TPST1: variants seen among roughly 807,000 people sequenced by gnomAD.
TPST1 encodes tyrosylprotein sulfotransferase 1, also known as protein-tyrosine sulfotransferase 1.
A neutral mutation model predicts 34.8 loss-of-function variants in TPST1; 20 were observed. The ratio of observed to expected loss-of-function variants is 0.57; its 90% CI spans 0.40 to 0.84. The LOEUF (loss-of-function observed/expected upper bound fraction) is 0.84. TPST1 is among the 40% of genes least tolerant of loss of function. The pLI, the probability that TPST1 is intolerant of heterozygous loss-of-function variation, is 0.00. For missense variants in TPST1, 353 were observed against 455.5 expected (o/e 0.78, Z 2.05); for synonymous variants, 152 against 159.4 (o/e 0.95, Z 0.35).
intron 3 of TPST1, among the ~76,000 whole-genome samples, chr7:66,287,239 TAATC>T (rs1482167494): frequency 1.6e-5 from 1 of 61,656 alleles, no homozygotes; most frequent in Non-Finnish European, 3.0e-5. Flanking sequence ...CACATTTTCT[TAATC>T]CAGTCTATCA....
rs557958373 is a variant in TPST1 at position 66,299,048 on chromosome 7, C to T, written c.1044+12339C>T. 2.7e-3 allele frequency among the ~76,000 whole-genome samples: 408 copies of T among 151,896 alleles called. 2 individuals carry two copies. The highest frequency in any genetic ancestry group is 9.5e-3 in the African/African-American group (393 of 41,412). On this transcript the variant is annotated intron_variant, in intron 3 of 5. Coordinates refer to ENST00000304842, the MANE Select transcript of TPST1 (RefSeq NM_003596.4). The stretch of plus-strand genomic sequence containing the variant: ...GGCTGAGGCAGGAGAATGGCATGAA[C>T]CTGGGAGGTGGAGCTTGCAGTGAGC...
At chr7:66,313,766 C>G (rs1256918851) in intron 3 of TPST1, among the ~76,000 whole-genome samples, 1 of 152,042 alleles carries the variant, frequency 6.6e-6, no homozygotes. Context: ...TATTCTTTCC[C>G]AAATTCATGT....
At chr7:66,206,629 T>A (rs906795518) in intron 1 of TPST1, among the ~76,000 whole-genome samples, 2 of 152,212 alleles carry the variant, frequency 1.3e-5, no homozygotes, top group Non-Finnish European at 2.9e-5. Flanking sequence ...GTCAGCAGGC[T>A]TTGCGGTGTA....
intron 3 of TPST1, among the ~76,000 whole-genome samples, chr7:66,296,676 GTT>G (rs55888171): frequency 1.1e-4 from 10 of 92,116 alleles, no homozygotes; most frequent in East Asian, 6.3e-4. Context: ...TACTGGGTTG[GTT>G]TTTTTTTTTT....
upstream of TPST1, among the ~76,000 whole-genome samples, chr7:66,200,982 A>G (rs2116160529): frequency 6.7e-6 from 1 of 149,560 alleles, no homozygotes; most frequent in Admixed American, 6.7e-5. Flanking sequence ...CCCTCCTCAG[A>G]CTCCCAAAGT....
intron 4 of TPST1, among the ~76,000 whole-genome samples, chr7:66,356,127 A>C (rs1792578343): frequency 6.6e-6 from 1 of 152,218 alleles, no homozygotes; most frequent in South Asian, 2.1e-4. Context: ...TTAACTTCTA[A>C]TGAAAATCAG....
chr7:66,317,154 T>C (rs551339199), intron 3 of TPST1, among the ~76,000 whole-genome samples: 6 of 152,378 alleles, frequency 3.9e-5, no homozygotes, highest in African/African-American at 1.4e-4. Context: ...CCACTTGTGA[T>C]AAAGTTGTTT....
chr7:66,280,158 C>G (rs1790904489), intron 2 of TPST1, among the ~76,000 whole-genome samples: 1 of 152,242 alleles, frequency 6.6e-6, no homozygotes, highest in South Asian at 2.1e-4. Context: ...GAAACTTGAC[C>G]TCACAGTCAG....
chr7:66,278,283 A>G (rs1315231985), intron 2 of TPST1, among the ~76,000 whole-genome samples: 1 of 152,008 alleles, frequency 6.6e-6, no homozygotes, highest in Non-Finnish European at 1.5e-5. Context: ...GTTGAAAAAT[A>G]ACTCTGGTTT....
intron 2 of TPST1, among the ~76,000 whole-genome samples, chr7:66,277,156 C>T (rs117329910): frequency 0.029 from 4,459 of 152,202 alleles, 88 homozygotes; most frequent in Non-Finnish European, 0.044. Flanking sequence ...TTTCTAATTG[C>T]GATGTCCTGT....
intron 1 of TPST1, among the ~76,000 whole-genome samples, chr7:66,217,621 A>C (rs1200426173): frequency 6.6e-6 from 1 of 152,018 alleles, no homozygotes. Flanking sequence ...TTTGAGATGG[A>C]GTCTTGCTCT....
Position 66,350,032 on chromosome 7 carries a change from C to T in TPST1, c.1045-2473C>T, listed in dbSNP as rs1315390504. 3.3e-5 allele frequency among the ~76,000 whole-genome samples: 5 copies of T among 151,788 alleles called. No homozygotes were observed. In the East Asian group the frequency reaches 7.7e-4, roughly 23 times the overall value. Reference sequence around the variant, plus strand: ...GGGTAGAACAAATGATTCTTTTTTTCGAGATGGAGTTTCGCTCTTGTTGCC... The same window carrying T: ...GGGTAGAACAAATGATTCTTTTTTTTGAGATGGAGTTTCGCTCTTGTTGCC... On this transcript the variant is annotated intron_variant, in intron 3 of 5. Coordinates refer to ENST00000304842, the MANE Select transcript of TPST1 (RefSeq NM_003596.4).
At chr7:66,230,870 A>G (rs1248985675) in intron 1 of TPST1, among the ~76,000 whole-genome samples, 1 of 152,242 alleles carries the variant, frequency 6.6e-6, no homozygotes, top group Admixed American at 6.5e-5. Flanking sequence ...ACAATCCCTG[A>G]GCTAGATACA....
At chr7:66,340,274 C>T (rs7783613) in intron 3 of TPST1, among the ~76,000 whole-genome samples, 92,553 of 151,896 alleles carry the variant, frequency 0.61, 28,747 homozygotes, top group African/African-American at 0.73. Context: ...CCACAGCTAA[C>T]GTCATGTTCA....
At chr7:66,269,811 C>T (rs913615777) in intron 2 of TPST1, among the ~76,000 whole-genome samples, 4 of 152,024 alleles carry the variant, frequency 2.6e-5, no homozygotes, top group Non-Finnish European at 5.9e-5. Context: ...TAGGAATTGT[C>T]AGGGAAGGAC....
chr7:66,347,542 A>G (rs570751713), intron 3 of TPST1, among the ~76,000 whole-genome samples: 9 of 152,044 alleles, frequency 5.9e-5, no homozygotes, highest in African/African-American at 1.7e-4. Context: ...CTGTGTGTCT[A>G]TTTTTATGCC....
intron 1 of TPST1, 58 bp from the exon 2 acceptor site, chr7:66,240,267 G>T: frequency 1.2e-6 from 1 of 865,968 alleles, no homozygotes; most frequent in South Asian, 1.9e-5. Context: ...GATAACTGGT[G>T]ACTGATTTGT....
chr7:66,212,636 T>C (rs1324827016), intron 1 of TPST1, among the ~76,000 whole-genome samples: 1 of 152,008 alleles, frequency 6.6e-6, no homozygotes, highest in Admixed American at 6.6e-5. Context: ...ATTTTTGTAT[T>C]TTTAGTAGAG....
chr7:66,206,082 C>T lies in TPST1; in HGVS notation c.-102+560C>T, dbSNP rs556916766. ...CCTCTTCCTTCTCTTACTCTTAAAC[C>T]TCCAGACACTTTCCCACTCTCTGCA... On this transcript the variant is annotated intron_variant, in intron 1 of 5. Coordinates refer to ENST00000304842, the MANE Select transcript of TPST1 (RefSeq NM_003596.4). 3.3e-5 allele frequency among the ~76,000 whole-genome samples: 5 copies of T among 151,624 alleles called. No homozygotes were observed. In the South Asian group the frequency reaches 8.3e-4, roughly 25 times the overall value.
Sources: allele counts gnomAD v4.1 joint callset (sites outside exome capture counted in the v4.1 genomes callset), GRCh38; gene constraint gnomAD v4.1.1; transcripts MANE v1.5; gene names NCBI Gene and HGNC (gene_info 2026-07-23, HGNC 2026-07-21).